The following PRKN variants were observed in gnomAD, a reference collection of about 807,000 sequenced individuals.
The protein encoded by PRKN is parkin RBR E3 ubiquitin protein ligase, also known as E3 ubiquitin-protein ligase parkin.
Under a neutral mutation model 59.5 loss-of-function variants are expected in PRKN, and 56 were observed. The observed-to-expected ratio is 0.94, with a 90% CI of 0.76 to 1.18. The LOEUF (loss-of-function observed/expected upper bound fraction) is 1.18. PRKN is among the 50% of genes most tolerant of loss of function. PRKN has a pLI of 0.00. For missense variants in PRKN, 657 were observed against 596.4 expected (o/e 1.10, Z -1.06); for synonymous variants, 250 against 222.1 (o/e 1.13, Z -1.12).
At chr6:162,485,511 T>C (rs1792497940) in intron 1 of PRKN, among the ~76,000 whole-genome samples, 1 of 152,166 alleles carries the variant, frequency 6.6e-6, no homozygotes, top group African/African-American at 2.4e-5. Context: ...CCAAAATAAA[T>C]GTGATTGGTT....
intron 6 of PRKN, among the ~76,000 whole-genome samples, chr6:161,845,138 T>C (rs1013814656): frequency 1.3e-5 from 2 of 152,244 alleles, no homozygotes; most frequent in Admixed American, 1.3e-4. Context: ...TCTTAAACAG[T>C]AAACATTTAA....
At chr6:162,170,503 C>T (rs769503830) in intron 4 of PRKN, among the ~76,000 whole-genome samples, 1 of 152,292 alleles carries the variant, frequency 6.6e-6, no homozygotes, top group Non-Finnish European at 1.5e-5. Flanking sequence ...CAGAGTATAA[C>T]ATTAACAATT....
At chr6:161,652,391 G>A (rs925284909) in intron 7 of PRKN, among the ~76,000 whole-genome samples, 10 of 152,128 alleles carry the variant, frequency 6.6e-5, no homozygotes, top group South Asian at 2.1e-4. Context: ...GTGGGGAAAC[G>A]GATATGATAT....
intron 6 of PRKN, among the ~76,000 whole-genome samples, chr6:161,964,743 A>G (rs934707407): frequency 2.6e-5 from 4 of 152,040 alleles, no homozygotes; most frequent in African/African-American, 9.7e-5. Context: ...TATGTTAAAG[A>G]TTCCAGTTTA....
rs1344461196 is a variant in PRKN at position 161,566,190 on chromosome 6, G to C, written c.933+3165C>G. ...TGTATTTGCAGTCTCCCACTCTTTGGTTCACCTCTCACATGAATCCATTCG... is the reference window on the plus strand; with the variant it reads ...TGTATTTGCAGTCTCCCACTCTTTGCTTCACCTCTCACATGAATCCATTCG... On this transcript the variant is annotated intron_variant, in intron 8 of 11. Coordinates refer to ENST00000366898, the MANE Select transcript of PRKN (RefSeq NM_004562.3). This position sits in a 1 kb window ranked among gnomAD's most constrained non-coding sequence, Gnocchi z 4.1. Among the ~76,000 whole-genome samples the C allele has an allele frequency of 6.6e-6, 1 of 152,024 alleles. No homozygotes were observed. The highest frequency in any genetic ancestry group is 6.6e-5 in the Admixed American group (1 of 15,254).
chr6:162,323,896 G>C (rs184532515), intron 2 of PRKN, among the ~76,000 whole-genome samples: 1 of 152,128 alleles, frequency 6.6e-6, no homozygotes, highest in East Asian at 1.9e-4. Context: ...TCTACTCCTA[G>C]AAATGAAAGC....
chr6:162,062,159 AC>A (rs759858446), intron 4 of PRKN, among the ~76,000 whole-genome samples: 1 of 152,202 alleles, frequency 6.6e-6, no homozygotes. Flanking sequence ...ACTGGAGGGC[AC>A]CCACATATCT....
At chr6:161,634,268 C>T (rs1312424516) in intron 7 of PRKN, among the ~76,000 whole-genome samples, 4 of 152,178 alleles carry the variant, frequency 2.6e-5, no homozygotes. Context: ...TGGTGAGCGT[C>T]CCCGCAGATG....
intron 7 of PRKN, among the ~76,000 whole-genome samples, chr6:161,709,977 T>C (rs1249275080): frequency 6.6e-6 from 1 of 152,162 alleles, no homozygotes. Flanking sequence ...CAACAGTCAG[T>C]GCTTCATGGA....
chr6:162,170,501 A>C (rs936951707), intron 4 of PRKN, among the ~76,000 whole-genome samples: 1 of 152,228 alleles, frequency 6.6e-6, no homozygotes, highest in Non-Finnish European at 1.5e-5. Context: ...GGCAGAGTAT[A>C]ACATTAACAA....
At chr6:162,047,976 A>C (rs1471889736) in intron 5 of PRKN, among the ~76,000 whole-genome samples, 1 of 152,206 alleles carries the variant, frequency 6.6e-6, no homozygotes, top group Non-Finnish European at 1.5e-5. Flanking sequence ...TTTAATAGTT[A>C]CATTATTTAT....
chr6:161,718,485 T>C (rs1040817527), intron 7 of PRKN, among the ~76,000 whole-genome samples: 1 of 152,152 alleles, frequency 6.6e-6, no homozygotes, highest in Non-Finnish European at 1.5e-5. Context: ...TGATGGTGCC[T>C]TGGGAACCAA....
intron 1 of PRKN, among the ~76,000 whole-genome samples, chr6:162,684,642 C>G (rs1334008502): frequency 6.6e-6 from 1 of 152,052 alleles, no homozygotes; most frequent in East Asian, 1.9e-4. Flanking sequence ...AATAGAGACA[C>G]TGAGAATGCA....
At chr6:162,542,844 G>C (rs1029742804) in intron 1 of PRKN, among the ~76,000 whole-genome samples, 3 of 152,118 alleles carry the variant, frequency 2.0e-5, no homozygotes, top group African/African-American at 7.2e-5. Context: ...CCCAACAGAG[G>C]GTAGAGGGTC....
chr6:161,691,853 G>A (rs1045993465), intron 7 of PRKN, among the ~76,000 whole-genome samples: 4 of 151,270 alleles, frequency 2.6e-5, no homozygotes, highest in African/African-American at 9.6e-5. Flanking sequence ...AAATGTCGAT[G>A]AAGATCTTAA....
chr6:162,524,712 C>A (rs1562355613), intron 1 of PRKN, among the ~76,000 whole-genome samples: 1 of 152,148 alleles, frequency 6.6e-6, no homozygotes, highest in South Asian at 2.1e-4. Context: ...GGAAGACTAA[C>A]TAGTTTGAGG....
intron 4 of PRKN, among the ~76,000 whole-genome samples, chr6:162,147,620 C>T (rs1451486530): frequency 6.6e-6 from 1 of 152,044 alleles, no homozygotes; most frequent in Non-Finnish European, 1.5e-5. Flanking sequence ...TATATTTTTT[C>T]TTTATAAAAT....
chr6:161,896,626 G>A (rs1335453108), intron 6 of PRKN, among the ~76,000 whole-genome samples: 1 of 152,148 alleles, frequency 6.6e-6, no homozygotes, highest in Admixed American at 6.5e-5. Context: ...AACTAATGGC[G>A]ACGGGAGGAG....
intron 1 of PRKN, among the ~76,000 whole-genome samples, chr6:162,686,444 G>A (rs1047657975): frequency 6.6e-6 from 1 of 152,162 alleles, no homozygotes; most frequent in Admixed American, 6.6e-5. Flanking sequence ...TTCTTTTGTG[G>A]GGTGGGGGTT....
Sources: gnomAD v4.1 joint callset for allele counts (sites outside exome capture counted in the v4.1 genomes callset) on GRCh38, gnomAD v4.1.1 for gene constraint, Gnocchi (gnomAD v3.1) non-coding constraint, MANE v1.5 for transcripts, NCBI Gene and HGNC (gene_info 2026-07-23, HGNC 2026-07-21) for gene names.